DNAH6: variants seen among roughly 807,000 people sequenced by gnomAD.
DNAH6 encodes axonemal beta dynein heavy chain 6.
Under a neutral mutation model 491.4 loss-of-function variants are expected in DNAH6, and 340 were observed. The observed-to-expected ratio is 0.69, with a 90% CI of 0.63 to 0.76. The LOEUF (loss-of-function observed/expected upper bound fraction) is 0.76. Ranked by LOEUF, DNAH6 falls within the 30% of genes least tolerant of loss-of-function variation. The pLI is 0.00. For missense variants in DNAH6, 4,443 were observed against 4,972.2 expected (o/e 0.89, Z 3.20); for synonymous variants, 1,603 against 1,686.1 (o/e 0.95, Z 1.21).
chr2:84,593,427 A>G (rs187010940), intron 16 of DNAH6, among the ~76,000 whole-genome samples: 28 of 152,352 alleles, frequency 1.8e-4, no homozygotes, highest in African/African-American at 6.5e-4. Context: ...AACACTTCTC[A>G]TGAAAACACC....
chr2:84,525,872 T>C (rs1676563496), intron 3 of DNAH6, 134 bp downstream of exon 3: 4 of 684,180 alleles, frequency 5.8e-6, no homozygotes, highest in Non-Finnish European at 9.6e-6. Context: ...TTGGGAAATA[T>C]AACATTTCTT....
the DNAH6 span, among the ~76,000 whole-genome samples, chr2:84,508,575 G>C: frequency 6.6e-6 from 1 of 152,084 alleles, no homozygotes; most frequent in Non-Finnish European, 1.5e-5. Context: ...CTTTAGTTCT[G>C]CTCTGATCTT....
chr2:84,467,597 G>A, the DNAH6 span, among the ~76,000 whole-genome samples: 1 of 152,084 alleles, frequency 6.6e-6, no homozygotes, highest in South Asian at 2.1e-4. Context: ...GCATTTAGGA[G>A]GTCTAACAAC....
At chr2:84,471,942 G>A in the DNAH6 span, among the ~76,000 whole-genome samples, 3 of 152,064 alleles carry the variant, frequency 2.0e-5, no homozygotes, top group African/African-American at 7.2e-5. Flanking sequence ...CAGATGTTTG[G>A]TGGGCACCCA....
chr2:84,598,451 T>A (rs376373722), intron 18 of DNAH6, among the ~76,000 whole-genome samples: 50 of 152,350 alleles, frequency 3.3e-4, no homozygotes, highest in African/African-American at 9.9e-4. Context: ...ATAAAGCTGC[T>A]ATAAACTTTC....
chr2:84,638,783 G>A (rs1689109577), intron 31 of DNAH6, among the ~76,000 whole-genome samples: 1 of 152,130 alleles, frequency 6.6e-6, no homozygotes, highest in South Asian at 2.1e-4. Flanking sequence ...GGCTGTACAG[G>A]AAGTGTGGTG....
intron 16 of DNAH6, among the ~76,000 whole-genome samples, chr2:84,592,535 G>A (rs1002944877): frequency 1.3e-5 from 2 of 152,158 alleles, no homozygotes; most frequent in Non-Finnish European, 2.9e-5. Flanking sequence ...CAGCATGGTG[G>A]TTCCTCAAAA....
chr2:84,553,421 CTT>C, intron 10 of DNAH6, among the ~76,000 whole-genome samples: 3 of 121,064 alleles, frequency 2.5e-5, no homozygotes, highest in Admixed American at 8.5e-5. Flanking sequence ...TTCTTTCTTT[CTT>C]TCTTTCTTTC....
intron 63 of DNAH6, among the ~76,000 whole-genome samples, chr2:84,749,793 A>G (rs996604250): frequency 6.6e-6 from 1 of 152,208 alleles, no homozygotes; most frequent in Non-Finnish European, 1.5e-5. Context: ...AAAAAAAGGA[A>G]TTTTCCAAAT....
At chr2:84,633,151 T>A (rs1429850937) in intron 29 of DNAH6, among the ~76,000 whole-genome samples, 1 of 152,112 alleles carries the variant, frequency 6.6e-6, no homozygotes, top group Non-Finnish European at 1.5e-5. Flanking sequence ...ATAATAAGGA[T>A]TTTCCTTCTA....
chr2:84,720,417 T>C (rs1293939548), intron 59 of DNAH6, among the ~76,000 whole-genome samples: 4 of 150,194 alleles, frequency 2.7e-5, no homozygotes, highest in Non-Finnish European at 4.5e-5. Context: ...TAGCTGGGAC[T>C]ACAGGCGCCC....
chr2:84,810,981 A>T (rs144017623), intron 72 of DNAH6, among the ~76,000 whole-genome samples: 17 of 152,200 alleles, frequency 1.1e-4, no homozygotes, highest in African/African-American at 4.1e-4. Context: ...TGCATTTTAG[A>T]TGAGTCTTCT....
chr2:84,574,339 A>T (rs911414014), intron 12 of DNAH6, among the ~76,000 whole-genome samples: 1 of 152,056 alleles, frequency 6.6e-6, no homozygotes, highest in African/African-American at 2.4e-5. Flanking sequence ...AGTATTCTTA[A>T]GTTAAATAAT....
intron 11 of DNAH6, among the ~76,000 whole-genome samples, chr2:84,565,861 T>G (rs1017970902): frequency 1.3e-5 from 2 of 152,042 alleles, no homozygotes; most frequent in Non-Finnish European, 2.9e-5. Context: ...TTCTTTTTCC[T>G]TCTTAATTGG....
intron 60 of DNAH6, among the ~76,000 whole-genome samples, chr2:84,724,998 A>G (rs1051879689): frequency 6.6e-6 from 1 of 152,186 alleles, no homozygotes; most frequent in East Asian, 1.9e-4. Context: ...GATATGCTTC[A>G]TCTGGCATAA....
chr2:84,776,792 C>G (rs1226242892), intron 64 of DNAH6, among the ~76,000 whole-genome samples: 1 of 152,220 alleles, frequency 6.6e-6, no homozygotes, highest in African/African-American at 2.4e-5. Flanking sequence ...GGCACATGCA[C>G]ACATATGTTT....
intron 12 of DNAH6, among the ~76,000 whole-genome samples, chr2:84,576,116 A>G (rs1682418255): frequency 6.6e-6 from 1 of 152,196 alleles, no homozygotes; most frequent in African/African-American, 2.4e-5. Context: ...AAAATACTAA[A>G]CAGCGCAGCA....
Position 84,607,439 on chromosome 2 carries a change from C to T in DNAH6, c.3294+344C>T, listed in dbSNP as rs144107677. ...TATAAAAGTTATGTTGAATTAGGAA[C>T]ACATGGACATAAAGATAGACATAAT... On this transcript the variant is annotated intron_variant, in intron 21 of 76. Transcript: ENST00000389394. 7.1e-4 allele frequency among the ~76,000 whole-genome samples: 108 copies of T among 152,076 alleles called. 1 individual carries two copies. The highest frequency in any genetic ancestry group is 2.5e-3 in the African/African-American group (102 of 41,488).
chr2:84,733,743 G>A (rs1163936905), intron 62 of DNAH6, among the ~76,000 whole-genome samples, 164 bp downstream of exon 62: 2 of 151,956 alleles, frequency 1.3e-5, no homozygotes, highest in African/African-American at 2.4e-5. Flanking sequence ...TTCTTGAGTC[G>A]AATGCTTGGC....
Sources: allele counts gnomAD v4.1 joint callset (sites outside exome capture counted in the v4.1 genomes callset), GRCh38; gene constraint gnomAD v4.1.1; transcripts MANE v1.5; gene names NCBI Gene and HGNC (gene_info 2026-07-23, HGNC 2026-07-21).